Variants in MINDY4 observed in about 807,000 individuals in gnomAD.
MINDY4 encodes MINDY lysine 48 deubiquitinase 4, also known as probable ubiquitin carboxyl-terminal hydrolase MINDY-4.
In MINDY4, 68 loss-of-function variants were observed where a neutral mutation model predicts 87.0. The observed-to-expected ratio is 0.78, with a 90% CI of 0.64 to 0.96. The LOEUF is 0.96. MINDY4 is among the 40% of genes least tolerant of loss of function. MINDY4 has a pLI of 0.00. For synonymous variants in MINDY4, 379 were observed against 363.2 expected (o/e 1.04, Z -0.50); for missense variants, 919 against 928.2 (o/e 0.99, Z 0.13).
At chr7:30,879,937 AC>A (rs1163101645) in intron 15 of MINDY4, among the ~76,000 whole-genome samples, 1 of 143,780 alleles carries the variant, frequency 7.0e-6, no homozygotes, top group Non-Finnish European at 1.5e-5. Context: ...ACTTAGTGAT[AC>A]AAAAAATAAT....
chr7:30,775,434 G>A (rs1352582793), intron 1 of MINDY4, among the ~76,000 whole-genome samples: 2 of 152,206 alleles, frequency 1.3e-5, no homozygotes, highest in Admixed American at 1.3e-4. Flanking sequence ...GGTGTGGGTG[G>A]AGGGTCATGG....
rs549478576 is a variant in MINDY4 at position 30,882,348 on chromosome 7, C to G, written c.2139C>G (p.Ile713Met). The G allele has an allele frequency of 1.1e-5, 17 of 1,597,200 alleles. No homozygotes were observed. The highest frequency in any genetic ancestry group is 6.8e-5 in the East Asian group (3 of 44,420). ...GCCTGGCCAACCAGCAGGAGCAGAT[C>G]CGGCTGACCATTGGTGCGGGCCCTC... ...YDGLANQQEQ[I>M]RLTIDTTQTI... The change falls in exon 16 of 18, where the codon ATC becomes ATG. Residue 713 changes from isoleucine to methionine, a missense_variant. Transcript: ENST00000265299.
chr7:30,806,656 C>T (rs933338933), intron 5 of MINDY4, among the ~76,000 whole-genome samples: 3 of 152,264 alleles, frequency 2.0e-5, no homozygotes, highest in African/African-American at 7.2e-5. Context: ...TGTCTTTCCC[C>T]TGGGGTCAGG....
rs1442661420 is a variant in MINDY4, at chr7:30,859,242, C to T, written c.1678-15C>T. The T allele has an allele frequency of 4.3e-6, 7 of 1,612,834 alleles. No homozygotes were observed. Among genetic ancestry groups the T allele is most frequent in the Non-Finnish European group, 5.9e-6 (7 of 1,179,118 alleles). ...TGCAAATGGGATGGAGCTCATTTTT[C>T]TCTCCCCCTCCCAGTTTGAAGTGGG... is the stretch of plus-strand genomic sequence containing the variant. On this transcript the variant is annotated splice_polypyrimidine_tract_variant and intron_variant, in intron 12 of 17. Coordinates refer to ENST00000265299, the MANE Select transcript of MINDY4 (RefSeq NM_032222.3).
In MINDY4 at chr7:30,853,422, AG is replaced by A; in HGVS notation, c.1642del (p.Asp548ThrfsTer3). On this transcript the variant is annotated frameshift_variant, in exon 12 of 18. Coordinates refer to ENST00000265299, the MANE Select transcript of MINDY4 (RefSeq NM_032222.3). LOFTEE classifies it high-confidence loss of function. Reference protein sequence around the residue: ...TLTLHSLTCYEDLVTFLQQSI... With the variant: ...TLTLHSLTCYXDLVTFLQQSI... ...ACGCTTCACAGTTTGACCTGCTATGAGGACCTGGTGACTTTTCTTCAACAAA... is the reference window on the plus strand; with the variant it reads ...ACGCTTCACAGTTTGACCTGCTATGAGACCTGGTGACTTTTCTTCAACAAA... 2 of 1,613,736 alleles carry A rather than the reference AG, an allele frequency of 1.2e-6. No individual in the cohort carries two copies. The highest frequency in any genetic ancestry group is 1.7e-6 in the Non-Finnish European group (2 of 1,179,848).
At chr7:30,881,655 G>A (rs1261972004) in intron 15 of MINDY4, among the ~76,000 whole-genome samples, 2 of 152,196 alleles carry the variant, frequency 1.3e-5, no homozygotes, top group Non-Finnish European at 2.9e-5. Context: ...AGGTGGGTGG[G>A]CACCTAGTGA....
chr7:30,832,180 T>C (rs1335625352), intron 6 of MINDY4, among the ~76,000 whole-genome samples: 1 of 152,218 alleles, frequency 6.6e-6, no homozygotes, highest in Non-Finnish European at 1.5e-5. Flanking sequence ...CCAGCCTTCA[T>C]TCCCAGATTT....
At chr7:30,863,264 A>G (rs1464706607) in intron 13 of MINDY4, among the ~76,000 whole-genome samples, 2 of 152,228 alleles carry the variant, frequency 1.3e-5, no homozygotes, top group East Asian at 3.8e-4. Context: ...GACCAACTGC[A>G]GTTCAGCTGG....
chr7:30,875,630 C>A lies in MINDY4; in HGVS notation c.1945C>A (p.Leu649Ile), dbSNP rs764178739. Residue 649 changes from leucine (L) to isoleucine (I), a missense_variant, in exon 15 of 18, where the codon CTC becomes ATC. By Grantham distance (5) the Leu-to-Ile change is conservative. Transcript: ENST00000265299. ...ACGCAGTGATATTGGCTTCTTATCT[C>A]TCTTTGAGCATTACAACATGTGCCA... ...AARSDIGFLSLFEHYNMCQVG... is the reference protein window; with the variant it reads ...AARSDIGFLSIFEHYNMCQVG... 8.1e-6 allele frequency: 13 copies of A among 1,612,656 alleles called. No homozygotes were observed. Among genetic ancestry groups the A allele is most frequent in the African/African-American group, 1.3e-5 (1 of 75,022 alleles).
intron 2 of MINDY4, chr7:30,779,759 T>C (rs538816805): frequency 6.6e-6 from 1 of 152,312 alleles, no homozygotes; most frequent in South Asian, 2.1e-4. Context: ...CCCAATTCTA[T>C]TGTAGGAGTG....
chr7:30,883,298 G>A (rs1315601400), intron 17 of MINDY4, among the ~76,000 whole-genome samples: 4 of 152,208 alleles, frequency 2.6e-5, no homozygotes, highest in Non-Finnish European at 5.9e-5. Flanking sequence ...GCAGCCAGAT[G>A]TGGCAAGTAC....
At chr7:30,830,586 A>G (rs1788672175) in intron 6 of MINDY4, among the ~76,000 whole-genome samples, 1 of 152,226 alleles carries the variant, frequency 6.6e-6, no homozygotes, top group African/African-American at 2.4e-5. Flanking sequence ...AAAGTCCCTT[A>G]TAAAACCATC....
At chr7:30,833,675 C>T (rs368277365) in intron 6 of MINDY4, among the ~76,000 whole-genome samples, 1 of 152,332 alleles carries the variant, frequency 6.6e-6, no homozygotes, top group East Asian at 1.9e-4. Context: ...TTTAAAGTCT[C>T]ATTTGAGACA....
At chr7:30,851,610 C>T (rs1823874488) in intron 10 of MINDY4, among the ~76,000 whole-genome samples, 2 of 152,100 alleles carry the variant, frequency 1.3e-5, no homozygotes, top group South Asian at 2.1e-4. Context: ...ACTTATTAAC[C>T]CCGGCCCTTA....
chr7:30,830,566 A>G (rs1299390568), intron 6 of MINDY4, among the ~76,000 whole-genome samples: 1 of 152,210 alleles, frequency 6.6e-6, no homozygotes, highest in East Asian at 1.9e-4. Flanking sequence ...AGTCCCCAGC[A>G]AAAGGGGGAA....
At chr7:30,866,295 A>G (rs1488182117) in intron 13 of MINDY4, among the ~76,000 whole-genome samples, 2 of 152,234 alleles carry the variant, frequency 1.3e-5, no homozygotes, top group African/African-American at 4.8e-5. Flanking sequence ...GACAGGCCTC[A>G]GAAGGAGGGA....
rs9987046 is a variant in MINDY4 at position 30,785,709 on chromosome 7, T to C, written c.420-40T>C. The C allele has an allele frequency of 9.3e-4, 1,495 of 1,610,358 alleles. 16 individuals are homozygous for C. In the African/African-American group the frequency reaches 0.018, roughly 19 times the overall value. On this transcript the variant is annotated intron_variant, in intron 3 of 17. Coordinates refer to ENST00000265299, the MANE Select transcript of MINDY4 (RefSeq NM_032222.3). ...TTGCTATCTTTGTTACTGATTCCTTTTGGGGAGTCTGTTTTAATGGAAATA... is the reference window on the plus strand; with the variant it reads ...TTGCTATCTTTGTTACTGATTCCTTCTGGGGAGTCTGTTTTAATGGAAATA...
rs1356610603 is a variant in MINDY4, at chr7:30,853,402, TC to T, written c.1621del (p.His541ThrfsTer3). The T allele has an allele frequency of 5.6e-6, 9 of 1,613,634 alleles. No individual in the cohort carries two copies. Among genetic ancestry groups the T allele is most frequent in the Non-Finnish European group, 5.9e-6 (7 of 1,179,780 alleles). ...TGTTTGTGTCTTCTCAGCTTACGCT[TC>T]ACAGTTTGACCTGCTATGAGGACCT... ...ADGVLETLTL[H>X]SLTCYEDLVT... is the part of the protein sequence containing the mutation. On this transcript the variant is annotated frameshift_variant, in exon 12 of 18. Transcript: ENST00000265299. LOFTEE classifies it high-confidence loss of function.
At chr7:30,856,244 C>T (rs1035100486) in intron 12 of MINDY4, among the ~76,000 whole-genome samples, 1 of 152,214 alleles carries the variant, frequency 6.6e-6, no homozygotes, top group African/African-American at 2.4e-5. Context: ...CCTTGCCTGA[C>T]CTCGCCTTTC....
Sources: allele counts gnomAD v4.1 joint callset (sites outside exome capture counted in the v4.1 genomes callset), GRCh38; gene constraint gnomAD v4.1.1; transcripts MANE v1.5; gene names NCBI Gene and HGNC (gene_info 2026-07-23, HGNC 2026-07-21).